The following RTL4 variants were observed in gnomAD, a reference collection of about 807,000 sequenced individuals.
The protein encoded by RTL4 is retrotransposon Gag like 4.
RTL4 carries 4 observed loss-of-function variants against 5.3 expected under a neutral mutation model. The ratio of observed to expected loss-of-function variants is 0.75; its 90% CI spans 0.37 to 1.72. The LOEUF (loss-of-function observed/expected upper bound fraction) is 1.72, where lower values mean the gene tolerates loss of function less well. Among genes scored for constraint, RTL4 ranks in the 40% most tolerant of loss-of-function variants. The pLI, the probability that RTL4 is intolerant of heterozygous loss-of-function variation, is 0.04. For synonymous variants in RTL4, 98 were observed against 87.3 expected (o/e 1.12, Z -0.68); for missense variants, 260 against 227.1 (o/e 1.14, Z -0.93).
At chrX:112,248,227 A>G in the RTL4 span, among the ~76,000 whole-genome samples, 1 of 112,223 alleles carries the variant, frequency 8.9e-6, no homozygotes, top group Non-Finnish European at 1.9e-5. Flanking sequence ...GATTCTTTCT[A>G]TAGTCTCTTT....
At chrX:112,132,457 C>G in the RTL4 span, among the ~76,000 whole-genome samples, 1 of 111,646 alleles carries the variant, frequency 9.0e-6, no homozygotes, top group African/African-American at 3.3e-5. Context: ...TCCTAATTTT[C>G]TGGACCCCTT....
At chrX:112,098,865 C>T in the RTL4 span, among the ~76,000 whole-genome samples, 1 of 111,995 alleles carries the variant, frequency 8.9e-6, no homozygotes, top group East Asian at 2.8e-4. Context: ...CTTCCTTACA[C>T]CTTATACAAA....
chrX:112,210,425 G>GA, the RTL4 span, among the ~76,000 whole-genome samples: 9 of 110,977 alleles, frequency 8.1e-5, no homozygotes, highest in South Asian at 3.8e-4. Context: ...TGAATAAATG[G>GA]AAAAAAAACA....
the RTL4 span, among the ~76,000 whole-genome samples, chrX:112,235,688 T>G: frequency 8.9e-6 from 1 of 111,818 alleles, no homozygotes; most frequent in South Asian, 3.7e-4. Context: ...TCAGAACTCT[T>G]TAAGGTCTAG....
chrX:112,155,628 T>C, the RTL4 span, among the ~76,000 whole-genome samples: 1 of 111,225 alleles, frequency 9.0e-6, no homozygotes, highest in East Asian at 2.8e-4. Context: ...GGGAATGGGG[T>C]GGGACTGTGA....
chrX:112,423,005 A>G, the RTL4 span, among the ~76,000 whole-genome samples: 1 of 110,591 alleles, frequency 9.0e-6, no homozygotes, highest in African/African-American at 3.3e-5. Context: ...TTACTCAAAT[A>G]TTTTGTCCCA....
the RTL4 span, among the ~76,000 whole-genome samples, chrX:112,171,354 A>G: frequency 8.9e-6 from 1 of 111,918 alleles, no homozygotes; most frequent in South Asian, 3.7e-4. Flanking sequence ...GTACCTCTGA[A>G]TGAATACAGC....
chrX:112,393,147 C>CTTTTTTTTTTTTTTTT, the RTL4 span, among the ~76,000 whole-genome samples: 2 of 81,476 alleles, frequency 2.5e-5, no homozygotes, highest in Non-Finnish European at 4.6e-5. Flanking sequence ...TTCTTTCTTT[C>CTTTTTTTTTTTTTTTT]TTTTTTTTTT....
chrX:112,167,246 G>T, the RTL4 span, among the ~76,000 whole-genome samples: 1 of 111,782 alleles, frequency 8.9e-6, no homozygotes, highest in Non-Finnish European at 1.9e-5. Flanking sequence ...ACTTGTGGAC[G>T]CTGGTTAGGT....
chrX:112,183,970 A>C, the RTL4 span, among the ~76,000 whole-genome samples: 1 of 111,037 alleles, frequency 9.0e-6, no homozygotes, highest in Non-Finnish European at 1.9e-5. Flanking sequence ...ATGATTTATA[A>C]TCCTCTGGGT....
the RTL4 span, among the ~76,000 whole-genome samples, chrX:112,330,439 C>A: frequency 2.7e-5 from 3 of 109,404 alleles, no homozygotes; most frequent in Non-Finnish European, 5.7e-5. Context: ...CCTAGGAATC[C>A]AATTTACAAG....
chrX:112,381,189 C>T, the RTL4 span, among the ~76,000 whole-genome samples: 1 of 111,252 alleles, frequency 9.0e-6, no homozygotes, highest in South Asian at 3.9e-4. Context: ...CTGATGCTAG[C>T]GCTCATTCCT....
At chrX:112,398,945 T>C in the RTL4 span, among the ~76,000 whole-genome samples, 1 of 112,279 alleles carries the variant, frequency 8.9e-6, no homozygotes, top group Non-Finnish European at 1.9e-5. Context: ...CCAAAAGATG[T>C]CTTTGTGGTA....
At chrX:112,233,790 AAAC>A in the RTL4 span, among the ~76,000 whole-genome samples, 1 of 111,542 alleles carries the variant, frequency 9.0e-6, no homozygotes, top group Non-Finnish European at 1.9e-5. Context: ...CACATACATA[AAAC>A]AACCAGTATA....
chrX:112,095,690 A>G, the RTL4 span, among the ~76,000 whole-genome samples: 3 of 111,699 alleles, frequency 2.7e-5, no homozygotes, highest in African/African-American at 9.8e-5. Flanking sequence ...AACTTGTAGT[A>G]AGAGAGTAGG....
chrX:112,174,574 T>TA, the RTL4 span, among the ~76,000 whole-genome samples: 1 of 101,056 alleles, frequency 9.9e-6, no homozygotes, highest in Admixed American at 1.1e-4. Context: ...CAGCATGATT[T>TA]ATAGTCCTTT....
the RTL4 span, among the ~76,000 whole-genome samples, chrX:112,296,755 G>A: frequency 9.6e-6 from 1 of 104,656 alleles, no homozygotes; most frequent in East Asian, 2.9e-4. Context: ...GACTACAGGT[G>A]CCTGCCACCA....
At chrX:112,218,752 T>C in the RTL4 span, among the ~76,000 whole-genome samples, 1 of 111,800 alleles carries the variant, frequency 8.9e-6, no homozygotes, top group Non-Finnish European at 1.9e-5. Context: ...ACGAGACTAT[T>C]AGATATTCTG....
At chrX:112,248,906 T>C in the RTL4 span, among the ~76,000 whole-genome samples, 10 of 112,386 alleles carry the variant, frequency 8.9e-5, no homozygotes, top group South Asian at 3.7e-3. Flanking sequence ...AGCAATATGA[T>C]AGCAAGATGG....
Sources: gnomAD v4.1 joint callset for allele counts (sites outside exome capture counted in the v4.1 genomes callset) on GRCh38, gnomAD v4.1.1 for gene constraint, MANE v1.5 for transcripts, NCBI Gene and HGNC (gene_info 2026-07-23, HGNC 2026-07-21) for gene names.